The following MYH11 variants were observed in gnomAD, a reference collection of about 807,000 sequenced individuals.
The protein encoded by MYH11 is myosin heavy chain 11.
A neutral mutation model predicts 246.6 loss-of-function variants in MYH11; 80 were observed. The observed-to-expected ratio is 0.32, with a 90% CI of 0.27 to 0.39. The LOEUF (loss-of-function observed/expected upper bound fraction) is 0.39. Among genes scored for constraint, MYH11 ranks in the 10% least tolerant of loss-of-function variants. MYH11 has a pLI of 1.00. For missense variants in MYH11, 2,158 were observed against 2,546.8 expected (o/e 0.85, Z 3.29); for synonymous variants, 1,071 against 1,015.5 (o/e 1.05, Z -1.04).
At chr16:15,846,922 G>A (rs1439904789) in intron 1 of MYH11, among the ~76,000 whole-genome samples, 1 of 152,030 alleles carries the variant, frequency 6.6e-6, no homozygotes, top group African/African-American at 2.4e-5. Flanking sequence ...CCACTGCACT[G>A]CAGCCTGGGT....
intron 3 of MYH11, among the ~76,000 whole-genome samples, chr16:15,803,140 GA>G (rs369407919): frequency 6.0e-5 from 9 of 149,296 alleles, no homozygotes; most frequent in South Asian, 2.1e-4. Context: ...CCATCTCAAA[GA>G]AAAAAAAAGC....
chr16:15,725,188 A>G, intron 28 of MYH11, 196 bp from the exon 29 acceptor site: 1 of 625,188 alleles, frequency 1.6e-6, no homozygotes, highest in East Asian at 2.7e-5. Context: ...TGTGGCTTGA[A>G]GGGAACTCCG....
chr16:15,741,028 C>T (rs1466077070), intron 22 of MYH11: 1 of 316,496 alleles, frequency 3.2e-6, no homozygotes, highest in African/African-American at 2.2e-5. Context: ...TCCTCCAGCC[C>T]CAGATGAGCC....
rs1555453669 is a variant in MYH11 at position 15,798,608 on chromosome 16, T to TTAAAA, written c.530+51_530+52insTTTTA. On this transcript the variant is annotated intron_variant, in intron 4 of 40. Coordinates refer to ENST00000300036, the MANE Select transcript of MYH11 (RefSeq NM_002474.3). ...CATAGGTTGGATCTCGACTACAGAT[T>TTAAAA]AAAAAAAAAAAAAAACAAAAAAAAA... 2.9e-6 allele frequency: 3 copies of TTAAAA among 1,037,364 alleles called. No individual in the cohort carries two copies. In the African/African-American group the frequency reaches 1.0e-4, roughly 36 times the overall value. The allele number at this position is 1,037,364 out of a possible 1,614,324, so 64.3% of individuals were successfully genotyped here. A position where few individuals can be genotyped will look rare whatever the true frequency, so the allele number is the denominator to read the frequency against.
Position 15,726,832 on chromosome 16 carries a change from C to T in MYH11, c.3858+16G>A, listed in dbSNP as rs370164910. On this transcript the variant is annotated intron_variant, in intron 28 of 40. Transcript: ENST00000300036. The stretch of plus-strand genomic sequence containing the variant: ...CACCCAGCACTGCCCACCACACCAC[C>T]GCGCCACCTCCTCACCTGCAGCTTG... 31 of 1,610,854 alleles carry T rather than the reference C, an allele frequency of 1.9e-5. No homozygotes were observed. Among genetic ancestry groups the T allele is most frequent in the East Asian group, 4.5e-5 (2 of 44,852 alleles).
chr16:15,759,470 C>T, intron 12 of MYH11, 106 bp downstream of exon 12: 1 of 1,441,100 alleles, frequency 6.9e-7, no homozygotes, highest in South Asian at 1.1e-5. Context: ...GCCTCCTACC[C>T]TACAGTAGCC....
chr16:15,748,572 C>A (rs1426864395), intron 16 of MYH11, among the ~76,000 whole-genome samples: 2 of 152,146 alleles, frequency 1.3e-5, no homozygotes, highest in African/African-American at 4.8e-5. Context: ...CAGAAACCAC[C>A]CACCTGGTCT....
At chr16:15,833,840 T>TC (rs34539893) in intron 2 of MYH11, among the ~76,000 whole-genome samples, 2 of 152,018 alleles carry the variant, frequency 1.3e-5, no homozygotes, top group African/African-American at 4.8e-5. Flanking sequence ...GTTACTGTGC[T>TC]CCCCCACCCC....
At chr16:15,704,204 T>C in intron 40 of MYH11, 81 bp from the exon 41 acceptor site, 1 of 1,563,022 alleles carries the variant, frequency 6.4e-7, no homozygotes, top group East Asian at 2.3e-5. Flanking sequence ...TATTTTAAAC[T>C]TGTAGCTATA....
At chr16:15,827,687 A>C (rs530286993) in intron 2 of MYH11, among the ~76,000 whole-genome samples, 1 of 152,336 alleles carries the variant, frequency 6.6e-6, no homozygotes, top group East Asian at 1.9e-4. Flanking sequence ...ATAGGTGCTA[A>C]CTAAATGCTT....
At chr16:15,836,931 G>A (rs1490348346) in intron 2 of MYH11, among the ~76,000 whole-genome samples, 1 of 151,740 alleles carries the variant, frequency 6.6e-6, no homozygotes, top group Non-Finnish European at 1.5e-5. Flanking sequence ...CATCACGTTG[G>A]CCAGGCTGGT....
chr16:15,808,287 G>A (rs750781615), intron 3 of MYH11, among the ~76,000 whole-genome samples: 1 of 152,064 alleles, frequency 6.6e-6, no homozygotes, highest in African/African-American at 2.4e-5. Flanking sequence ...TCCATGCACC[G>A]TGTCCCTACA....
intron 3 of MYH11, among the ~76,000 whole-genome samples, chr16:15,806,039 GA>G (rs1463492880): frequency 2.6e-5 from 4 of 152,148 alleles, no homozygotes; most frequent in African/African-American, 9.6e-5. Context: ...AGCACTTTGG[GA>G]GGCTGAGGTG....
chr16:15,807,609 G>A (rs749844270), intron 3 of MYH11, among the ~76,000 whole-genome samples: 5 of 152,070 alleles, frequency 3.3e-5, no homozygotes, highest in African/African-American at 4.8e-5. Flanking sequence ...CCGAGCCTCC[G>A]TGGAGTCTGG....
At chr16:15,737,727 A>G in intron 24 of MYH11, 107 bp from the exon 25 acceptor site, 2 of 1,180,004 alleles carry the variant, frequency 1.7e-6, no homozygotes, top group Non-Finnish European at 2.5e-6. Flanking sequence ...CACATCCCCC[A>G]ATCAGTAACC....
Position 15,724,260 on chromosome 16 carries a change from C to A in MYH11, c.4266G>T (p.Lys1422Asn), listed in dbSNP as rs2040632791. Reference sequence around the variant, plus strand: ...CGTCCAGCTCCTGCTGAAGCCTGTTCTTGGTCTTTTCCAGTTTATCATAAG... The same window carrying A: ...CGTCCAGCTCCTGCTGAAGCCTGTTATTGGTCTTTTCCAGTTTATCATAAG... ...AAAYDKLEKT[K>N]NRLQQELDDL... Residue 1422 changes from lysine to asparagine, a missense_variant, in exon 31 of 41, where the codon AAG becomes AAT. Transcript: ENST00000300036. 6.2e-7 allele frequency: 1 copy of A among 1,614,230 alleles called. No individual in the cohort carries two copies. Among genetic ancestry groups the A allele is most frequent in the African/African-American group, 1.3e-5 (1 of 75,056 alleles).
Position 15,720,863 on chromosome 16 carries a change from C to A in MYH11, c.4767G>T (p.Glu1589Asp), listed in dbSNP as rs748913486. Residue 1589 changes from glutamate to aspartate, a missense_variant, in exon 33 of 41, where the codon GAG becomes GAT. Physicochemically the swap from Glu to Asp is conservative, Grantham distance 45. Transcript: ENST00000300036. Reference protein sequence around the residue: ...DLQARDEQNEEKRRQLQRQLH... With the variant: ...DLQARDEQNEDKRRQLQRQLH... ...CCTGTCTCTGCAGTTGCCTCCTCTT[C>A]TCCTCATTCTGCTCGTCCCGGGCTT... 1 of 1,613,846 alleles carries A rather than the reference C, an allele frequency of 6.2e-7. No individual in the cohort carries two copies. Among genetic ancestry groups the A allele is most frequent in the South Asian group, 1.1e-5 (1 of 91,070 alleles).
At chr16:15,836,755 G>A (rs112297808) in intron 2 of MYH11, among the ~76,000 whole-genome samples, 68 of 115,718 alleles carry the variant, frequency 5.9e-4, no homozygotes, top group Admixed American at 3.9e-3. Flanking sequence ...ATGGAGTTTC[G>A]CTCTTATTGC....
At chr16:15,712,682 A>G (rs924400743) in intron 40 of MYH11, among the ~76,000 whole-genome samples, 2 of 151,824 alleles carry the variant, frequency 1.3e-5, no homozygotes, top group Admixed American at 1.3e-4. Context: ...AAGAGGGACA[A>G]CCCCACAGGT....
Sources: gnomAD v4.1 joint callset for allele counts (sites outside exome capture counted in the v4.1 genomes callset) on GRCh38, gnomAD v4.1.1 for gene constraint, MANE v1.5 for transcripts, NCBI Gene and HGNC (gene_info 2026-07-23, HGNC 2026-07-21) for gene names.